ANTXR1: variants seen among roughly 807,000 people sequenced by gnomAD.
ANTXR1 encodes ANTXR cell adhesion molecule 1, also known as anthrax toxin receptor 1.
A neutral mutation model predicts 78.1 loss-of-function variants in ANTXR1; 19 were observed. That is an observed-to-expected ratio of 0.24 (90% confidence interval 0.17 to 0.36). The LOEUF is 0.36. Among genes scored for constraint, ANTXR1 ranks in the 10% least tolerant of loss-of-function variants. The pLI is 1.00. For synonymous variants in ANTXR1, 273 were observed against 260.5 expected, an observed-to-expected ratio of 1.05 and a Z score of -0.46; for missense variants, 518 against 718.6, an observed-to-expected ratio of 0.72 and a Z score of 3.19.
intron 9 of ANTXR1, among the ~76,000 whole-genome samples, chr2:69,091,720 C>G (rs1045894747): frequency 1.3e-5 from 2 of 152,184 alleles, no homozygotes; most frequent in African/African-American, 4.8e-5. Flanking sequence ...ATTGTTTAAT[C>G]TGCCAGTCCT....
intron 9 of ANTXR1, among the ~76,000 whole-genome samples, chr2:69,096,797 G>A (rs1024389756): frequency 7.2e-5 from 11 of 152,070 alleles, no homozygotes; most frequent in Admixed American, 7.2e-4. Context: ...GATTATTGAG[G>A]ACTGAATAAC....
chr2:69,180,292 T>A (rs1016348800), intron 14 of ANTXR1, among the ~76,000 whole-genome samples: 1 of 152,250 alleles, frequency 6.6e-6, no homozygotes, highest in African/African-American at 2.4e-5. Flanking sequence ...AGAAGCAGGC[T>A]TCAGCATTGT....
chr2:69,232,360 A>G (rs1410914552), intron 17 of ANTXR1, among the ~76,000 whole-genome samples: 1 of 152,066 alleles, frequency 6.6e-6, no homozygotes, highest in Non-Finnish European at 1.5e-5. Context: ...AGAACATATA[A>G]TTTTTAGAGT....
At chr2:69,018,201 G>GC (rs1671081510) in intron 1 of ANTXR1, among the ~76,000 whole-genome samples, 1 of 151,866 alleles carries the variant, frequency 6.6e-6, no homozygotes, top group African/African-American at 2.4e-5. Context: ...ATGTCTAAAG[G>GC]CCCCCCACAG....
chr2:69,237,826 A>G (rs1675805374), intron 17 of ANTXR1, among the ~76,000 whole-genome samples: 1 of 152,224 alleles, frequency 6.6e-6, no homozygotes, highest in African/African-American at 2.4e-5. Context: ...ACATGCATAT[A>G]TATGTATGTA....
rs57902226 is a variant in ANTXR1 at position 69,020,394 on chromosome 2, C to CTGTTTTGTTT, written c.152+6767_152+6776dup. Among the ~76,000 whole-genome samples, 590 of 151,294 alleles carry CTGTTTTGTTT rather than the reference C, an allele frequency of 3.9e-3. 8 individuals carry two copies. Among genetic ancestry groups the CTGTTTTGTTT allele is most frequent in the African/African-American group, 0.014 (566 of 40,866 alleles). On this transcript the variant is annotated intron_variant, in intron 1 of 17. Transcript: ENST00000303714. The stretch of plus-strand genomic sequence containing the variant: ...AAAAATAAAAATAAATAAGGCAAAA[C>CTGTTTTGTTT]TGTTTTGTTTTGTTTTGTTTTGTTT...
chr2:69,123,380 G>A (rs1250924509), intron 11 of ANTXR1, among the ~76,000 whole-genome samples: 1 of 152,176 alleles, frequency 6.6e-6, no homozygotes, highest in East Asian at 1.9e-4. Context: ...ACACAGCAGT[G>A]AGTGGAAGAG....
intron 13 of ANTXR1, among the ~76,000 whole-genome samples, chr2:69,167,760 A>C (rs1475074461): frequency 2.0e-5 from 3 of 152,210 alleles, no homozygotes; most frequent in African/African-American, 7.2e-5. Flanking sequence ...TTACCTGAAC[A>C]GAGTGGCATT....
chr2:69,194,155 A>G (rs1317700142), intron 17 of ANTXR1, among the ~76,000 whole-genome samples: 1 of 152,238 alleles, frequency 6.6e-6, no homozygotes, highest in Non-Finnish European at 1.5e-5. Context: ...TCTGTTTCAA[A>G]TAGTAACAAG....
At chr2:69,042,592 C>T (rs1354399986) in intron 2 of ANTXR1, among the ~76,000 whole-genome samples, 1 of 152,186 alleles carries the variant, frequency 6.6e-6, no homozygotes, top group Non-Finnish European at 1.5e-5. Context: ...CCAAAAAAAG[C>T]AATGACAGTG....
At chr2:69,183,427 G>A (rs1674328331) in intron 16 of ANTXR1, among the ~76,000 whole-genome samples, 1 of 151,874 alleles carries the variant, frequency 6.6e-6, no homozygotes, top group Admixed American at 6.6e-5. Flanking sequence ...TTTTGAGACA[G>A]GTTCTCACTC....
intron 14 of ANTXR1, chr2:69,172,653 A>C: frequency 1.5e-6 from 1 of 683,296 alleles, no homozygotes; most frequent in Non-Finnish European, 1.9e-6. Context: ...CATGTCTACT[A>C]TTTAAATAAC....
At chr2:69,225,158 A>C (rs1675411872) in intron 17 of ANTXR1, among the ~76,000 whole-genome samples, 1 of 152,162 alleles carries the variant, frequency 6.6e-6, no homozygotes. Flanking sequence ...CAAATTTCAC[A>C]GTCCCGAGCA....
At position 69,073,117 on chromosome 2, in the gene ANTXR1, G is replaced by T. The variant is rs769908738; in HGVS notation, c.492+16G>T. 4.3e-6 allele frequency: 7 copies of T among 1,613,106 alleles called. No individual in the cohort carries two copies. The Admixed American group carries it at 1.2e-4, about 27-fold the overall frequency. On this transcript the variant is annotated intron_variant, in intron 6 of 17. Transcript: ENST00000303714. ...AGAGAGGGAGGTAAGCAACGGCCTG[G>T]CTGTGTCTAAACATATACATGGAAC...
intron 9 of ANTXR1, among the ~76,000 whole-genome samples, chr2:69,091,862 G>C (rs79891117): frequency 3.9e-5 from 6 of 152,168 alleles, no homozygotes; most frequent in African/African-American, 1.4e-4. Context: ...ATCAAAATCA[G>C]GGTCATGCTC....
At chr2:69,021,809 TAA>T (rs937491444) in intron 1 of ANTXR1, among the ~76,000 whole-genome samples, 1 of 152,162 alleles carries the variant, frequency 6.6e-6, no homozygotes, top group African/African-American at 2.4e-5. Flanking sequence ...TGAGAGAGAA[TAA>T]AGAGATAAGA....
chr2:69,130,322 G>A (rs1197306961), intron 12 of ANTXR1, among the ~76,000 whole-genome samples: 1 of 151,792 alleles, frequency 6.6e-6, no homozygotes, highest in South Asian at 2.1e-4. Flanking sequence ...TTTTTCTCCT[G>A]ATTTATATGA....
Position 69,193,425 on chromosome 2 carries a change from G to T in ANTXR1, c.1434+10G>T. 6.3e-7 allele frequency: 1 copy of T among 1,583,140 alleles called. No individual in the cohort carries two copies. The highest frequency in any genetic ancestry group is 8.6e-7 in the Non-Finnish European group (1 of 1,157,862). ...ACAGCCAGGAGACACGGTAGGACTC[G>T]TTAATTCATTAATGGTGTCTCTCTC... On this transcript the variant is annotated intron_variant, in intron 17 of 17. Coordinates refer to ENST00000303714, the MANE Select transcript of ANTXR1 (RefSeq NM_032208.3).
At chr2:69,134,215 G>A (rs139046374) in intron 12 of ANTXR1, among the ~76,000 whole-genome samples, 3 of 152,296 alleles carry the variant, frequency 2.0e-5, no homozygotes, top group African/African-American at 4.8e-5. Context: ...CTGAGTGTAT[G>A]AGAAATACTA....
Sources: gnomAD v4.1 joint callset for allele counts (sites outside exome capture counted in the v4.1 genomes callset) on GRCh38, gnomAD v4.1.1 for gene constraint, MANE v1.5 for transcripts, NCBI Gene and HGNC (gene_info 2026-07-23, HGNC 2026-07-21) for gene names.